RGPD4: variants seen among roughly 807,000 people sequenced by gnomAD.
RGPD4 encodes ranBP2-like and GRIP domain-containing protein 4.
A neutral mutation model predicts 141.1 loss-of-function variants in RGPD4; 84 were observed. The ratio of observed to expected loss-of-function variants is 0.60; its 90% CI spans 0.50 to 0.71. RGPD4 has a LOEUF of 0.71. RGPD4 is among the 30% of genes least tolerant of loss of function. The pLI is 0.00. For synonymous variants in RGPD4, 298 were observed against 566.8 expected (o/e 0.53, Z 6.74); for missense variants, 918 against 1,622.4 (o/e 0.57, Z 7.46).
In RGPD4 at chr2:107,872,780, A is replaced by T. The variant is rs776753009; in HGVS notation, c.4776A>T (p.Gly1592=). 1.2e-6 allele frequency: 2 copies of T among 1,611,286 alleles called. No individual in the cohort carries two copies. Among genetic ancestry groups the T allele is most frequent in the South Asian group, 2.2e-5 (2 of 90,980 alleles). ...AAACTAGTTCAGTAGCCCAGAGTGG[A>T]TCTGAAAGCAAAGTGGAACCTAAAA... is the stretch of plus-strand genomic sequence containing the variant. The part of the protein sequence containing the change: ...NSETSSVAQS[G]SESKVEPKKC... The change falls in exon 20 of 23, where the codon GGA becomes GGT. Residue 1592 remains glycine, a synonymous_variant. Coordinates refer to ENST00000408999, the MANE Select transcript of RGPD4 (RefSeq NM_182588.3).
chr2:107,884,397 G>GTTTTTTTAT, intron 22 of RGPD4, among the ~76,000 whole-genome samples: 1 of 152,040 alleles, frequency 6.6e-6, no homozygotes, highest in Non-Finnish European at 1.5e-5. Context: ...ACCACGCCCG[G>GTTTTTTTAT]CCATTTTGTT....
Position 107,827,029 on chromosome 2 carries a change from G to A in RGPD4, c.16G>A (p.Ala6Thr), listed in dbSNP as rs1383922859. 1.3e-6 allele frequency: 2 copies of A among 1,599,694 alleles called. No homozygotes were observed. Among genetic ancestry groups the A allele is most frequent in the African/African-American group, 1.3e-5 (1 of 74,626 alleles). ...TGGTGGCGCGATGAGTTGCAGCAAG[G>A]CCTACGGGGAGCGGTACGTCGCCTC... MSCSK[A>T]YGERYVASVQ... Residue 6 changes from alanine (A) to threonine (T), a missense_variant, in exon 1 of 23, where the codon GCC becomes ACC. Transcript: ENST00000408999.
intron 20 of RGPD4, 109 bp from the exon 21 acceptor site, chr2:107,879,859 C>A (rs538675462): frequency 7.3e-7 from 1 of 1,366,972 alleles, no homozygotes; most frequent in African/African-American, 1.5e-5. Context: ...AGAAAGCAGA[C>A]CTATAAAATA....
In RGPD4 at chr2:107,859,559, G is replaced by A. The variant is rs771446495; in HGVS notation, c.1634+5G>A. On this transcript the variant is annotated splice_donor_5th_base_variant and intron_variant, in intron 11 of 22. Transcript: ENST00000408999. Reference sequence around the variant, plus strand: ...TCTGATTCACAGAAAAGCAGTGTAAGTAGTAAAACAAAAATATTGCTTTCA... The same window carrying A: ...TCTGATTCACAGAAAAGCAGTGTAAATAGTAAAACAAAAATATTGCTTTCA... 8 of 1,611,420 alleles carry A rather than the reference G, an allele frequency of 5.0e-6. No individual in the cohort carries two copies. The highest frequency in any genetic ancestry group is 6.8e-6 in the Non-Finnish European group (8 of 1,179,856).
At chr2:107,832,412 T>A (rs1303276303) in intron 1 of RGPD4, among the ~76,000 whole-genome samples, 1 of 151,438 alleles carries the variant, frequency 6.6e-6, no homozygotes, top group Non-Finnish European at 1.5e-5. Context: ...TAGTCTCACT[T>A]GCTTTGAGGA....
Position 107,826,908 on chromosome 2 carries a change from G to C in RGPD4, c.-106G>C. The C allele has an allele frequency of 1.3e-6, 2 of 1,544,444 alleles. No homozygotes were observed. The highest frequency in any genetic ancestry group is 1.2e-5 in the South Asian group (1 of 83,936). ...AAGTTCGTCACAGTGGTCCTCCGCCGGCTACGCGGAGTCAGTGGCTTTCAG... is the reference window on the plus strand; with the variant it reads ...AAGTTCGTCACAGTGGTCCTCCGCCCGCTACGCGGAGTCAGTGGCTTTCAG... On this transcript the variant is annotated 5_prime_UTR_variant, in exon 1 of 23. Coordinates refer to ENST00000408999, the MANE Select transcript of RGPD4 (RefSeq NM_182588.3).
intron 7 of RGPD4, 123 bp from the exon 8 acceptor site, chr2:107,854,433 A>C: frequency 1.4e-6 from 1 of 733,328 alleles, no homozygotes; most frequent in Non-Finnish European, 2.2e-6. Context: ...TTTCCAATTC[A>C]GTTTAATTAA....
chr2:107,862,889 A>T (rs1276984499), intron 16 of RGPD4, 28 bp downstream of exon 16: 1 of 1,603,232 alleles, frequency 6.2e-7, no homozygotes, highest in African/African-American at 1.4e-5. Flanking sequence ...GAATCATTTC[A>T]TTGTGAAATT....
At chr2:107,829,915 G>T (rs865794634) in intron 1 of RGPD4, among the ~76,000 whole-genome samples, 7 of 147,522 alleles carry the variant, frequency 4.7e-5, no homozygotes, top group Admixed American at 1.3e-4. Flanking sequence ...GGCGGAGGTC[G>T]TACCTCCTTG....
chr2:107,840,201 C>T (rs1461937584), intron 4 of RGPD4, among the ~76,000 whole-genome samples: 1 of 152,028 alleles, frequency 6.6e-6, no homozygotes, highest in East Asian at 1.9e-4. Flanking sequence ...CTGCTATTTA[C>T]TTCTCTTCAC....
In RGPD4 at chr2:107,871,245, G is replaced by A. The variant is rs747189654; in HGVS notation, c.3241G>A (p.Gly1081Ser). 1.2e-5 allele frequency: 20 copies of A among 1,608,630 alleles called. 1 individual carries two copies. Among genetic ancestry groups the A allele is most frequent in the Non-Finnish European group, 1.6e-5 (19 of 1,179,516 alleles). Reference sequence around the variant, plus strand: ...TGAGGTAAGGCAGTGGAAAGAAAGGGGCTTGGGGAACTTAAAAATTCTCAA... The same window carrying A: ...TGAGGTAAGGCAGTGGAAAGAAAGGAGCTTGGGGAACTTAAAAATTCTCAA... ...DAEVRQWKER[G>S]LGNLKILKNE... The change falls in exon 20 of 23, where the codon GGC (glycine) becomes AGC (serine). Residue 1081 changes from glycine (G) to serine (S), a missense_variant. Physicochemically the swap from Gly to Ser is moderately conservative, Grantham distance 56. Coordinates refer to ENST00000408999, the MANE Select transcript of RGPD4 (RefSeq NM_182588.3).
intron 20 of RGPD4, 116 bp from the exon 21 acceptor site, chr2:107,879,852 A>G: frequency 7.5e-7 from 1 of 1,325,460 alleles, no homozygotes; most frequent in Non-Finnish European, 1.0e-6. Flanking sequence ...ATGGCAAAGA[A>G]AGCAGACCTA....
rs1387879177 is a variant in RGPD4 at position 107,826,991 on chromosome 2, T to A, written c.-23T>A. ...GGGCTGAGCGCTGGTTTCACGCGTC[T>A]CGGGAGCCAGGTTGGTGGCGCGATG... On this transcript the variant is annotated 5_prime_UTR_variant, in exon 1 of 23. Transcript: ENST00000408999. 1 of 1,591,484 alleles carries A rather than the reference T, an allele frequency of 6.3e-7. No individual in the cohort carries two copies. Among genetic ancestry groups the A allele is most frequent in the Non-Finnish European group, 8.5e-7 (1 of 1,170,602 alleles).
At position 107,872,080 on chromosome 2, in the gene RGPD4, G is replaced by C; in HGVS notation, c.4076G>C (p.Ser1359Thr). The C allele has an allele frequency of 6.2e-7, 1 of 1,611,546 alleles. No homozygotes were observed. Among genetic ancestry groups the C allele is most frequent in the Non-Finnish European group, 8.5e-7 (1 of 1,179,848 alleles). ...GAGGAAAATGAAAAAGTTGTTTTTA[G>C]TCACAGGGCAGAACTCTACAGATAT... is the stretch of plus-strand genomic sequence containing the variant. ...SGEENEKVVF[S>T]HRAELYRYDK... is the part of the protein sequence containing the mutation. Residue 1359 changes from serine to threonine, a missense_variant, in exon 20 of 23, where the codon AGT becomes ACT. Transcript: ENST00000408999.
Position 107,871,235 on chromosome 2 carries a change from G to T in RGPD4, c.3231G>T (p.Trp1077Cys). ...LFRFDAEVRQ[W>C]KERGLGNLKI... ...GATTTGATGCTGAGGTAAGGCAGTG[G>T]AAAGAAAGGGGCTTGGGGAACTTAA... The change falls in exon 20 of 23, where the codon TGG (tryptophan) becomes TGT (cysteine). Residue 1077 changes from tryptophan (W) to cysteine (C), a missense_variant. By Grantham distance (215) the Trp-to-Cys change is radical (BLOSUM62 -2). Transcript: ENST00000408999. The T allele has an allele frequency of 6.2e-7, 1 of 1,609,250 alleles. No homozygotes were observed. The highest frequency in any genetic ancestry group is 8.5e-7 in the Non-Finnish European group (1 of 1,179,614).
intron 20 of RGPD4, among the ~76,000 whole-genome samples, chr2:107,875,735 T>C (rs1287165963): frequency 8.9e-6 from 1 of 111,740 alleles, no homozygotes. Context: ...TTTTATCTAG[T>C]ATCATGCTTG....
intron 20 of RGPD4, among the ~76,000 whole-genome samples, chr2:107,875,646 G>A (rs1314513431): frequency 7.1e-6 from 1 of 141,332 alleles, no homozygotes; most frequent in African/African-American, 2.7e-5. Flanking sequence ...TGGTGGCTGG[G>A]GATGGGTTGT....
intron 1 of RGPD4, among the ~76,000 whole-genome samples, chr2:107,827,846 C>G (rs183299882): frequency 0.017 from 279 of 16,458 alleles, 16 homozygotes; most frequent in South Asian, 0.038. Flanking sequence ...GCCTCCCGAC[C>G]GGCGCTGCTC....
At chr2:107,883,971 C>T (rs1261923421) in intron 22 of RGPD4, among the ~76,000 whole-genome samples, 1 of 152,000 alleles carries the variant, frequency 6.6e-6, no homozygotes, top group Non-Finnish European at 1.5e-5. Context: ...GTGAATAATT[C>T]AATGTTTATT....
Sources: allele counts gnomAD v4.1 joint callset (sites outside exome capture counted in the v4.1 genomes callset), GRCh38; gene constraint gnomAD v4.1.1; transcripts MANE v1.5; gene names NCBI Gene and HGNC (gene_info 2026-07-23, HGNC 2026-07-21).